Variants in NBDY observed in about 807,000 individuals in gnomAD.
NBDY encodes P-body dissociating protein.
At chrX:56,741,256 G>A (rs1311694477) in intron 2 of NBDY, among the ~76,000 whole-genome samples, 1 of 111,564 alleles carries the variant, frequency 9.0e-6, no homozygotes, top group Admixed American at 9.5e-5. Context: ...GAACCCTTAG[G>A]TTGCTTCTAA....
intron 2 of NBDY, among the ~76,000 whole-genome samples, chrX:56,788,850 G>T (rs2069745053): frequency 8.9e-6 from 1 of 112,477 alleles, no homozygotes; most frequent in Admixed American, 9.3e-5. Flanking sequence ...GGCCTCTAGA[G>T]TAACTGCTTC....
At chrX:56,816,580 G>A (rs1016338745) in intron 2 of NBDY, among the ~76,000 whole-genome samples, 1 of 111,130 alleles carries the variant, frequency 9.0e-6, no homozygotes, top group Non-Finnish European at 1.9e-5. Flanking sequence ...TTGAAATATT[G>A]AGACTGATCT....
intron 2 of NBDY, among the ~76,000 whole-genome samples, chrX:56,756,716 A>G (rs1236669850): frequency 8.9e-6 from 1 of 111,992 alleles, no homozygotes; most frequent in Non-Finnish European, 1.9e-5. Flanking sequence ...TGTAATCTCA[A>G]TGTTTTGGGA....
At chrX:56,788,225 CTTTT>C (rs1404227820) in intron 2 of NBDY, among the ~76,000 whole-genome samples, 2 of 112,499 alleles carry the variant, frequency 1.8e-5, no homozygotes, top group East Asian at 5.6e-4. Flanking sequence ...TTCTCCTTAT[CTTTT>C]TTATTTTTTT....
At chrX:56,737,349 G>C (rs1383105184) in intron 2 of NBDY, 9 of 725,339 alleles carry the variant, frequency 1.2e-5, no homozygotes, top group Non-Finnish European at 2.0e-5. Context: ...TGCTCTTTAG[G>C]CAAGATCTGA....
chrX:56,743,723 C>A (rs1435936998), intron 2 of NBDY, among the ~76,000 whole-genome samples: 2 of 110,607 alleles, frequency 1.8e-5, no homozygotes, highest in Non-Finnish European at 3.8e-5. Context: ...TTTCAAAACA[C>A]CAACTTTTTA....
At chrX:56,805,313 T>C (rs1247057891) in intron 2 of NBDY, among the ~76,000 whole-genome samples, 3 of 111,600 alleles carry the variant, frequency 2.7e-5, no homozygotes, top group Non-Finnish European at 5.7e-5. Flanking sequence ...ATGTCAGAGG[T>C]CCTCATTTTT....
intron 2 of NBDY, among the ~76,000 whole-genome samples, chrX:56,754,827 A>G (rs2069601203): frequency 9.0e-6 from 1 of 110,959 alleles, no homozygotes; most frequent in African/African-American, 3.3e-5. Context: ...AAGGAAGGAA[A>G]TAATAAAGAT....
At chrX:56,739,178 TTC>T (rs1161700919) in intron 2 of NBDY, among the ~76,000 whole-genome samples, 3 of 98,465 alleles carry the variant, frequency 3.0e-5, no homozygotes, top group African/African-American at 1.1e-4. Context: ...CAGAGAGAGA[TTC>T]TGTTTTGTGA....
intron 2 of NBDY, among the ~76,000 whole-genome samples, chrX:56,795,673 G>C (rs2069788195): frequency 1.8e-5 from 2 of 112,160 alleles, no homozygotes; most frequent in African/African-American, 6.5e-5. Flanking sequence ...TCGTGTATGG[G>C]CCTGCACTCT....
chrX:56,756,850 G>T (rs1487878795), intron 2 of NBDY, among the ~76,000 whole-genome samples: 1 of 110,672 alleles, frequency 9.0e-6, no homozygotes, highest in Non-Finnish European at 1.9e-5. Flanking sequence ...CAGTGAATCT[G>T]GAGGCTGAGG....
chrX:56,807,876 G>A (rs771041584), intron 2 of NBDY, among the ~76,000 whole-genome samples: 2 of 112,082 alleles, frequency 1.8e-5, no homozygotes, highest in South Asian at 7.5e-4. Flanking sequence ...GTGAGAGAGG[G>A]CATTCTTGTC....
intron 2 of NBDY, among the ~76,000 whole-genome samples, chrX:56,744,729 TC>T (rs754077113): frequency 0.011 from 1,234 of 111,597 alleles, 11 homozygotes; most frequent in Non-Finnish European, 0.017. Context: ...CATTCCAAAA[TC>T]CCCAGTGGAT....
Position 56,799,205 on chromosome X carries a change from C to T in NBDY, c.*167-18115C>T, listed in dbSNP as rs780409692. Reference sequence around the variant, plus strand: ...GGCAGGGGCGGCCCACCATGGGTTCCCCTGGCAGCCCCCAGAGACTGCTTG... The same window carrying T: ...GGCAGGGGCGGCCCACCATGGGTTCTCCTGGCAGCCCCCAGAGACTGCTTG... On this transcript the variant is annotated intron_variant, in intron 2 of 2. Coordinates refer to ENST00000374922, the MANE Select transcript of NBDY (RefSeq NM_001348129.2). 2.5e-3 allele frequency among the ~76,000 whole-genome samples: 280 copies of T among 112,346 alleles called. 1 individual carries two copies. Among genetic ancestry groups the T allele is most frequent in the African/African-American group, 8.8e-3 (273 of 30,952 alleles).
chrX:56,748,313 A>G, intron 2 of NBDY, among the ~76,000 whole-genome samples: 1 of 111,502 alleles, frequency 9.0e-6, no homozygotes, highest in Non-Finnish European at 1.9e-5. Context: ...ATGTGGCTTG[A>G]GTATTACATG....
At chrX:56,736,369 A>T (rs1281140013) in intron 2 of NBDY, among the ~76,000 whole-genome samples, 1 of 111,765 alleles carries the variant, frequency 8.9e-6, no homozygotes, top group Non-Finnish European at 1.9e-5. Flanking sequence ...GGGTCAAGCA[A>T]TTCTCCTGCC....
chrX:56,759,766 G>A (rs1211447897), intron 2 of NBDY, among the ~76,000 whole-genome samples: 4 of 111,707 alleles, frequency 3.6e-5, no homozygotes, highest in Non-Finnish European at 5.7e-5. Context: ...CCAGGATGGC[G>A]CCTTGGCTCC....
chrX:56,737,006 G>A (rs1479420829), intron 2 of NBDY, among the ~76,000 whole-genome samples: 2 of 111,600 alleles, frequency 1.8e-5, no homozygotes, highest in African/African-American at 3.3e-5. Context: ...TGATAAAGTG[G>A]CCTCTGAGCT....
In NBDY at chrX:56,802,863, C is replaced by G. The variant is rs762503669; in HGVS notation, c.*167-14457C>G. The stretch of plus-strand genomic sequence containing the variant: ...TGTCTCCTGCCTACTGGTCCTAGGT[C>G]GTAGGGTCCCTTAAGTTTGGTGGTC... On this transcript the variant is annotated intron_variant, in intron 2 of 2. Coordinates refer to ENST00000374922, the MANE Select transcript of NBDY (RefSeq NM_001348129.2). 5.3e-5 allele frequency among the ~76,000 whole-genome samples: 6 copies of G among 112,786 alleles called. No individual in the cohort carries two copies. In the South Asian group the frequency reaches 1.8e-3, roughly 34 times the overall value.
Sources: allele counts gnomAD v4.1 joint callset (sites outside exome capture counted in the v4.1 genomes callset), GRCh38; gene constraint gnomAD v4.1.1; transcripts MANE v1.5; gene names NCBI Gene and HGNC (gene_info 2026-07-23, HGNC 2026-07-21).